Variants in CCDC148 observed in about 807,000 individuals in gnomAD.
The protein encoded by CCDC148 is coiled-coil domain containing 148.
A neutral mutation model predicts 85.7 loss-of-function variants in CCDC148; 89 were observed. The ratio of observed to expected loss-of-function variants is 1.04; its 90% CI spans 0.87 to 1.24. CCDC148 has a LOEUF of 1.24. CCDC148 is among the 50% of genes most tolerant of loss of function. The pLI is 0.00. For missense variants in CCDC148, 692 were observed against 671.7 expected, an observed-to-expected ratio of 1.03 and a Z score of -0.33; for synonymous variants, 230 against 213.9, an observed-to-expected ratio of 1.08 and a Z score of -0.66.
chr2:158,238,929 C>T (rs568303940), intron 10 of CCDC148, among the ~76,000 whole-genome samples: 38 of 152,154 alleles, frequency 2.5e-4, no homozygotes, highest in African/African-American at 6.3e-4. Context: ...AAAATCATAC[C>T]GGTCAGACCA....
intron 9 of CCDC148, among the ~76,000 whole-genome samples, chr2:158,287,258 T>A (rs545052588): frequency 6.6e-6 from 1 of 152,080 alleles, no homozygotes; most frequent in African/African-American, 2.4e-5. Context: ...CCATACCATA[T>A]CATTCCACCC....
chr2:158,292,369 T>C (rs1394802000), intron 9 of CCDC148, among the ~76,000 whole-genome samples: 5 of 152,340 alleles, frequency 3.3e-5, no homozygotes, highest in African/African-American at 1.2e-4. Context: ...GAAATGTACT[T>C]GAATACTGCA....
chr2:158,425,180 T>G, intron 1 of CCDC148: 2 of 527,528 alleles, frequency 3.8e-6, no homozygotes, highest in South Asian at 2.8e-5. Flanking sequence ...GATATGATCA[T>G]GCTGGGTATA....
At chr2:158,180,131 T>C (rs1007120428) in intron 11 of CCDC148, among the ~76,000 whole-genome samples, 8 of 152,146 alleles carry the variant, frequency 5.3e-5, no homozygotes, top group African/African-American at 1.9e-4. Flanking sequence ...AGATTTAGCT[T>C]TCTCTGTGGC....
intron 1 of CCDC148, among the ~76,000 whole-genome samples, chr2:158,406,613 CTTT>C (rs61612452): frequency 1.6e-4 from 5 of 31,454 alleles, no homozygotes; most frequent in African/African-American, 4.9e-4. Flanking sequence ...GATTAAATTT[CTTT>C]TTTTTTTTTT....
chr2:158,232,837 A>C (rs1574457565), intron 10 of CCDC148, among the ~76,000 whole-genome samples: 1 of 152,134 alleles, frequency 6.6e-6, no homozygotes, highest in South Asian at 2.1e-4. Flanking sequence ...GGTAGAGAGT[A>C]GAATGGTGGT....
At chr2:158,218,084 T>A (rs7571695) in intron 11 of CCDC148, among the ~76,000 whole-genome samples, 94 of 152,084 alleles carry the variant, frequency 6.2e-4, no homozygotes, top group Non-Finnish European at 9.7e-4. Context: ...AAAATTTTTC[T>A]GAGAATTATA....
At chr2:158,432,256 T>C (rs1192513937) in intron 1 of CCDC148, among the ~76,000 whole-genome samples, 1 of 151,022 alleles carries the variant, frequency 6.6e-6, no homozygotes, top group East Asian at 1.9e-4. Context: ...AGCAGGATGG[T>C]AGGCTTACAT....
At chr2:158,353,160 T>G (rs1683416439) in intron 2 of CCDC148, among the ~76,000 whole-genome samples, 1 of 133,932 alleles carries the variant, frequency 7.5e-6, no homozygotes, top group African/African-American at 2.9e-5. Flanking sequence ...AGGAAGAAAC[T>G]GCATCAACTA....
chr2:158,450,118 A>G (rs567044170), intron 1 of CCDC148, among the ~76,000 whole-genome samples: 2 of 152,274 alleles, frequency 1.3e-5, no homozygotes, highest in Admixed American at 1.3e-4. Flanking sequence ...GAAAACAACA[A>G]TAAACAGTGG....
intron 11 of CCDC148, among the ~76,000 whole-genome samples, chr2:158,210,531 A>G (rs1686506848): frequency 6.6e-6 from 1 of 152,108 alleles, no homozygotes; most frequent in Admixed American, 6.5e-5. Context: ...ACCACATCAC[A>G]CTTACTCTAA....
At chr2:158,387,230 A>G (rs1034549947) in intron 1 of CCDC148, among the ~76,000 whole-genome samples, 1 of 151,964 alleles carries the variant, frequency 6.6e-6, no homozygotes, top group Non-Finnish European at 1.5e-5. Flanking sequence ...AGATGTCACT[A>G]CTTCTAGGCT....
At chr2:158,264,190 C>A (rs1689355360) in intron 9 of CCDC148, among the ~76,000 whole-genome samples, 1 of 151,888 alleles carries the variant, frequency 6.6e-6, no homozygotes, top group South Asian at 2.1e-4. Flanking sequence ...TATGGATTTA[C>A]TAACTTATAG....
chr2:158,238,433 T>C (rs562229651), intron 10 of CCDC148, among the ~76,000 whole-genome samples: 12 of 152,176 alleles, frequency 7.9e-5, no homozygotes, highest in Admixed American at 7.9e-4. Context: ...AAATATGATG[T>C]CAGTAGGAAA....
intron 2 of CCDC148, among the ~76,000 whole-genome samples, chr2:158,353,935 A>G (rs1169017055): frequency 6.6e-6 from 1 of 152,118 alleles, no homozygotes; most frequent in East Asian, 1.9e-4. Context: ...ACTCAAAACC[A>G]CTCAACTACA....
At position 158,424,327 on chromosome 2, in the gene CCDC148, T is replaced by A. The variant is rs539097892; in HGVS notation, c.25+32088A>T. ...GACTTGGAACCAACCCAAATGTCCA[T>A]CAATGATAGACTGGATTAAGAAAAT... On this transcript the variant is annotated intron_variant, in intron 1 of 13. Coordinates refer to ENST00000283233, the MANE Select transcript of CCDC148 (RefSeq NM_138803.4). Among the ~76,000 whole-genome samples the A allele has an allele frequency of 1.1e-3, 167 of 152,222 alleles. 1 individual carries two copies. The highest frequency in any genetic ancestry group is 3.7e-3 in the South Asian group (18 of 4,830).
chr2:158,393,617 A>G (rs1685408028), intron 1 of CCDC148, among the ~76,000 whole-genome samples: 1 of 152,134 alleles, frequency 6.6e-6, no homozygotes, highest in African/African-American at 2.4e-5. Flanking sequence ...CAGAGAAAAA[A>G]ACTGATAAAA....
At chr2:158,416,494 A>C (rs1342150521) in intron 1 of CCDC148, among the ~76,000 whole-genome samples, 1 of 152,108 alleles carries the variant, frequency 6.6e-6, no homozygotes, top group East Asian at 1.9e-4. Flanking sequence ...CCTAAATTCT[A>C]TCTCTCAAGT....
intron 9 of CCDC148, among the ~76,000 whole-genome samples, chr2:158,259,055 G>A (rs72938119): frequency 0.063 from 9,502 of 151,616 alleles, 404 homozygotes; most frequent in Middle Eastern, 0.099. Context: ...CAGGCCACAT[G>A]CCTTCCAGCT....
Sources: gnomAD v4.1 joint callset for allele counts (sites outside exome capture counted in the v4.1 genomes callset) on GRCh38, gnomAD v4.1.1 for gene constraint, MANE v1.5 for transcripts, NCBI Gene and HGNC (gene_info 2026-07-23, HGNC 2026-07-21) for gene names.